Variants in TLN1 observed in about 807,000 individuals in gnomAD.
TLN1 encodes the protein talin 1.
Under a neutral mutation model 292.3 loss-of-function variants are expected in TLN1, and 56 were observed. That is an observed-to-expected ratio of 0.19 (90% CI 0.15 to 0.24). The LOEUF is 0.24. Among genes scored for constraint, TLN1 ranks in the 10% least tolerant of loss-of-function variants. The pLI is 1.00. For synonymous variants in TLN1, 1,119 were observed against 1,253.7 expected, an observed-to-expected ratio of 0.89 and a Z score of 2.27; for missense variants, 2,433 against 3,248.2, an observed-to-expected ratio of 0.75 and a Z score of 6.10.
intron 34 of TLN1, 177 bp from the exon 35 acceptor site, chr9:35,708,069 G>A (rs575532954): frequency 1.3e-6 from 1 of 774,788 alleles, no homozygotes; most frequent in Admixed American, 2.9e-5. Flanking sequence ...GATGAACTGG[G>A]CATGGGAGAG....
rs1825411372 is a variant in TLN1, at chr9:35,698,689, G to A, written c.7126-10C>T. ...CTGGAATGGCACCCACCTGTAGGAAGGAGAAGAGCCTACTTAGACCTGCAT... is the reference window on the plus strand; with the variant it reads ...CTGGAATGGCACCCACCTGTAGGAAAGAGAAGAGCCTACTTAGACCTGCAT... On this transcript the variant is annotated splice_polypyrimidine_tract_variant and intron_variant, in intron 53 of 56. Transcript: ENST00000314888. The surrounding 1 kb of genome is among the most constrained non-coding windows in gnomAD (Gnocchi z 5.3). 6.2e-7 allele frequency: 1 copy of A among 1,614,004 alleles called. No homozygotes were observed. The highest frequency in any genetic ancestry group is 8.5e-7 in the Non-Finnish European group (1 of 1,180,028).
chr9:35,725,681 G>GA lies in TLN1; in HGVS notation c.13dup (p.Ser5PhefsTer16). 1 of 1,613,762 alleles carries GA rather than the reference G, an allele frequency of 6.2e-7. No individual in the cohort carries two copies. The highest frequency in any genetic ancestry group is 8.5e-7 in the Non-Finnish European group (1 of 1,179,904). On this transcript the variant is annotated frameshift_variant, in exon 2 of 57. Coordinates refer to ENST00000314888, the MANE Select transcript of TLN1 (RefSeq NM_006289.4). LOFTEE classifies it high-confidence loss of function. The stretch of plus-strand genomic sequence containing the variant: ...CACATTCCCAATGCTGATCTTCAGT[G>GA]AAAGTGCAACCATGGTGGCAGCTTC...
At chr9:35,701,243 A>G (rs1465346515) in intron 48 of TLN1, among the ~76,000 whole-genome samples, 1 of 152,208 alleles carries the variant, frequency 6.6e-6, no homozygotes, top group African/African-American at 2.4e-5. Context: ...TGGAGAAGCA[A>G]GCAGAGCCAT....
At position 35,724,370 on chromosome 9, in the gene TLN1, C is replaced by T; in HGVS notation, c.512-36G>A. On this transcript the variant is annotated intron_variant, in intron 5 of 56. Transcript: ENST00000314888. The surrounding 1 kb of genome is among the most constrained non-coding windows in gnomAD (Gnocchi z 4.7). Reference sequence around the variant, plus strand: ...GACAGTCCCCTCAGTGCCAAACCCCCATGGCCCCTGTGCTGTCTGGTCTCT... The same window carrying T: ...GACAGTCCCCTCAGTGCCAAACCCCTATGGCCCCTGTGCTGTCTGGTCTCT... The T allele has an allele frequency of 6.2e-7, 1 of 1,613,024 alleles. No homozygotes were observed. The highest frequency in any genetic ancestry group is 1.3e-5 in the African/African-American group (1 of 75,022).
chr9:35,728,333 G>GA (rs1826014023), intron 1 of TLN1, among the ~76,000 whole-genome samples: 1 of 152,144 alleles, frequency 6.6e-6, no homozygotes, highest in Non-Finnish European at 1.5e-5. Flanking sequence ...AAGAGGGATG[G>GA]GGGAGTAACA....
chr9:35,712,126 TG>T lies in TLN1; in HGVS notation c.3562-3del, dbSNP rs747908871. 8.7e-6 allele frequency: 14 copies of T among 1,612,246 alleles called. No homozygotes were observed. The African/African-American group carries it at 1.9e-4, about 22-fold the overall frequency. On this transcript the variant is annotated splice_polypyrimidine_tract_variant and splice_region_variant and intron_variant, in intron 27 of 56. Transcript: ENST00000314888. Reference sequence around the variant, plus strand: ...AGCCTGGGTCACTGCTTTAGCCACCTGGGGTGAGAAAGGAGACAGGGTTGCC... The same window carrying T: ...AGCCTGGGTCACTGCTTTAGCCACCTGGGTGAGAAAGGAGACAGGGTTGCC...
At chr9:35,700,547 G>C (rs1461742701) in intron 48 of TLN1, among the ~76,000 whole-genome samples, 171 bp from the exon 49 acceptor site, 1 of 152,168 alleles carries the variant, frequency 6.6e-6, no homozygotes, top group Non-Finnish European at 1.5e-5. Flanking sequence ...TTGTTTGTTT[G>C]AAATCACAAA....
chr9:35,731,362 C>CTCAT (rs1368308599), intron 1 of TLN1, among the ~76,000 whole-genome samples: 1 of 152,188 alleles, frequency 6.6e-6, no homozygotes, highest in East Asian at 1.9e-4. Flanking sequence ...CTAGCACAGA[C>CTCAT]TCATATCCAA....
At position 35,725,546 on chromosome 9, in the gene TLN1, C is replaced by A; in HGVS notation, c.130+19G>T. 1 of 1,609,022 alleles carries A rather than the reference C, an allele frequency of 6.2e-7. No homozygotes were observed. The highest frequency in any genetic ancestry group is 8.5e-7 in the Non-Finnish European group (1 of 1,176,606). ...GGACTGAAGACTCCCACTCCAGCCACCGGGGGAGTCAGACTCACGAGGACC... is the reference window on the plus strand; with the variant it reads ...GGACTGAAGACTCCCACTCCAGCCAACGGGGGAGTCAGACTCACGAGGACC... On this transcript the variant is annotated intron_variant, in intron 2 of 56. Coordinates refer to ENST00000314888, the MANE Select transcript of TLN1 (RefSeq NM_006289.4).
At chr9:35,722,461 G>A (rs1321683699) in intron 8 of TLN1, among the ~76,000 whole-genome samples, 1 of 152,174 alleles carries the variant, frequency 6.6e-6, no homozygotes, top group East Asian at 1.9e-4. Context: ...CAGAGAGTTT[G>A]GAAGTAGAAG....
chr9:35,719,932 G>A lies in TLN1; in HGVS notation c.1465-79C>T. On this transcript the variant is annotated intron_variant, in intron 13 of 56. Transcript: ENST00000314888. This position sits in a 1 kb window ranked among gnomAD's most constrained non-coding sequence, Gnocchi z 4.6. ...AAGGTAAAAGAGAACCAGGGTCTAG[G>A]GAGAGAATACAAATAGGGACCTGGG... The A allele has an allele frequency of 6.3e-7, 1 of 1,581,964 alleles. No homozygotes were observed. The highest frequency in any genetic ancestry group is 2.3e-5 in the East Asian group (1 of 43,872).
chr9:35,724,103 C>A lies in TLN1; in HGVS notation c.655-24G>T, dbSNP rs369467471. ...GCCTGGAGAGCACAGGGCAAGGAGG[C>A]GAATGTTGTGTGTGGGTGCAAGGAC... On this transcript the variant is annotated intron_variant, in intron 6 of 56. Transcript: ENST00000314888. The surrounding 1 kb of genome is among the most constrained non-coding windows in gnomAD (Gnocchi z 4.7). 1 of 1,612,578 alleles carries A rather than the reference C, an allele frequency of 6.2e-7. No individual in the cohort carries two copies. Among genetic ancestry groups the A allele is most frequent in the African/African-American group, 1.3e-5 (1 of 74,868 alleles).
chr9:35,698,125 T>G lies in TLN1; in HGVS notation c.7419A>C (p.Ala2473=). 2 of 1,614,086 alleles carry G rather than the reference T, an allele frequency of 1.2e-6. No homozygotes were observed. Among genetic ancestry groups the G allele is most frequent in the Non-Finnish European group, 1.7e-6 (2 of 1,180,044 alleles). Residue 2473 remains alanine (A), a synonymous_variant, in exon 56 of 57, where the codon GCA becomes GCC. Transcript: ENST00000314888. This position sits in a 1 kb window ranked among gnomAD's most constrained non-coding sequence, Gnocchi z 5.3. ...CTTCAAAGGCTGCAGCCTTCTGTGC[T>G]GCTTTCACCAGATTATCTGAGGCTC... ...VKRASDNLVK[A]AQKAAAFEEQ... is the part of the protein sequence containing the mutation.
rs142509704 is a variant in TLN1, at chr9:35,703,557, C to T, written c.6474+3G>A. The stretch of plus-strand genomic sequence containing the variant: ...GTCACTGATGCCCCAGACTCTCACT[C>T]ACCGCCAGCTCCTGCCGTATGTGTT... On this transcript the variant is annotated splice_donor_region_variant and intron_variant, in intron 48 of 56. Transcript: ENST00000314888. The T allele has an allele frequency of 2.0e-4, 324 of 1,614,066 alleles. No individual in the cohort carries two copies. Among genetic ancestry groups the T allele is most frequent in the Non-Finnish European group, 2.5e-4 (294 of 1,179,948 alleles).
Position 35,705,960 on chromosome 9 carries a change from A to T in TLN1, c.5511+2T>A. On this transcript the variant is annotated splice_donor_variant, in intron 41 of 56. Coordinates refer to ENST00000314888, the MANE Select transcript of TLN1 (RefSeq NM_006289.4). LOFTEE classifies it high-confidence loss of function. The stretch of plus-strand genomic sequence containing the variant: ...TGTCCAAAGGCACCCCAAGACTCTA[A>T]CCTGGTTGATGGCCTGGGTGATGGA... 6.2e-7 allele frequency: 1 copy of T among 1,614,142 alleles called. No homozygotes were observed. The highest frequency in any genetic ancestry group is 8.5e-7 in the Non-Finnish European group (1 of 1,180,014).
intron 1 of TLN1, among the ~76,000 whole-genome samples, 193 bp from the exon 2 acceptor site, chr9:35,725,920 T>C (rs1383578878): frequency 6.7e-6 from 1 of 148,206 alleles, no homozygotes; most frequent in African/African-American, 2.5e-5. Flanking sequence ...GTCCTGACAA[T>C]TTTTTTTTTT....
chr9:35,720,575 C>T (rs1825863476), intron 11 of TLN1, 66 bp from the exon 12 acceptor site: 3 of 1,492,304 alleles, frequency 2.0e-6, no homozygotes, highest in Non-Finnish European at 1.9e-6. Flanking sequence ...GAAAAGGCAG[C>T]CTCTTCTTTC....
chr9:35,717,478 A>C lies in TLN1; in HGVS notation c.2164-38T>G, dbSNP rs748166809. The C allele has an allele frequency of 2.3e-5, 37 of 1,598,814 alleles. No individual in the cohort carries two copies. The highest frequency in any genetic ancestry group is 3.4e-6 in the Non-Finnish European group (4 of 1,169,780). ...TGAATGTCAGAGACGTAGGCAAGGG[A>C]AAGGAGGTAGAGTATGCTGCTCATA... is the stretch of plus-strand genomic sequence containing the variant. On this transcript the variant is annotated intron_variant, in intron 18 of 56. Transcript: ENST00000314888. This position sits in a 1 kb window ranked among gnomAD's most constrained non-coding sequence, Gnocchi z 4.7.
Position 35,714,321 on chromosome 9 carries a change from T to C in TLN1, c.3038A>G (p.Asp1013Gly). ...AAKASVPTIQ[D>G]QASAMQLSQC... Reference sequence around the variant, plus strand: ...ACTCAGCTGCATGGCTGAAGCCTGGTCCTGAATCGTTGGCACTGAGGCCTT... The same window carrying C: ...ACTCAGCTGCATGGCTGAAGCCTGGCCCTGAATCGTTGGCACTGAGGCCTT... The change falls in exon 24 of 57, where the codon GAC becomes GGC. Residue 1013 changes from aspartate (D) to glycine (G), a missense_variant. By Grantham distance (94) the Asp-to-Gly change is moderately conservative. This residue lies in a region of TLN1 where 617 missense variants were observed against 770.6 expected (regional missense o/e 0.80). Transcript: ENST00000314888. The surrounding 1 kb of genome is among the most constrained non-coding windows in gnomAD (Gnocchi z 4.6). 1 of 1,613,928 alleles carries C rather than the reference T, an allele frequency of 6.2e-7. No individual in the cohort carries two copies. Among genetic ancestry groups the C allele is most frequent in the Non-Finnish European group, 8.5e-7 (1 of 1,179,862 alleles).
Sources: gnomAD v4.1 joint callset for allele counts (sites outside exome capture counted in the v4.1 genomes callset) on GRCh38, gnomAD v4.1.1 for gene constraint, gnomAD v4.1.1 regional missense constraint, Gnocchi (gnomAD v3.1) non-coding constraint, MANE v1.5 for transcripts, NCBI Gene and HGNC (gene_info 2026-07-23, HGNC 2026-07-21) for gene names.